The following ACTBL2 variants were observed in gnomAD, a reference collection of about 807,000 sequenced individuals.
The protein encoded by ACTBL2 is actin beta like 2, also known as beta-actin-like protein 2.
Under a neutral mutation model 23.2 loss-of-function variants are expected in ACTBL2, and 29 were observed. The observed-to-expected ratio is 1.25, with a 90% CI of 0.93 to 1.71. The LOEUF (loss-of-function observed/expected upper bound fraction) is 1.71, where lower values mean the gene tolerates loss of function less well. Among genes scored for constraint, ACTBL2 ranks in the 40% most tolerant of loss-of-function variants. The pLI is 0.00. For synonymous variants in ACTBL2, 173 were observed against 182.1 expected (o/e 0.95, Z 0.40); for missense variants, 524 against 486.2 (o/e 1.08, Z -0.73).
chr5:57,482,019 C>T lies in ACTBL2; in HGVS notation c.689G>A (p.Arg230Lys), dbSNP rs138344347. 1.2e-6 allele frequency: 2 copies of T among 1,613,812 alleles called. No homozygotes were observed. Among genetic ancestry groups the T allele is most frequent in the African/African-American group, 2.7e-5 (2 of 74,850 alleles). Residue 230 changes from arginine to lysine, a missense_variant, in exon 1 of 1, where the codon AGG becomes AAG. Transcript: ENST00000423391. ...VALDFEQEMV[R>K]AAASSSPERS... Reference sequence around the variant, plus strand: ...TTCCGGTGAGGAGGATGCGGCTGCCCTGACCATCTCCTGCTCAAAGTCCAG... The same window carrying T: ...TTCCGGTGAGGAGGATGCGGCTGCCTTGACCATCTCCTGCTCAAAGTCCAG...
Position 57,482,742 on chromosome 5 carries a change from G to A in ACTBL2, c.-35C>T. 6.2e-7 allele frequency: 1 copy of A among 1,604,234 alleles called. No homozygotes were observed. ...TGAGATCTTCCAGACGAGTGAACAG[G>A]ACAAGTGAATAGACAGTGAGTAAGA... On this transcript the variant is annotated 5_prime_UTR_variant, in exon 1 of 1. Transcript: ENST00000423391.
At position 57,481,523 on chromosome 5, in the gene ACTBL2, A is replaced by G; in HGVS notation, c.*54T>C. ...ACTGAAAGCGGATAAAAGCAGTACC[A>G]TCACTGTGACCTAGGAAAAGGGAAA... is the stretch of plus-strand genomic sequence containing the variant. On this transcript the variant is annotated 3_prime_UTR_variant, in exon 1 of 1. Coordinates refer to ENST00000423391, the MANE Select transcript of ACTBL2 (RefSeq NM_001017992.4). The G allele has an allele frequency of 1.3e-6, 2 of 1,565,700 alleles. No homozygotes were observed. Among genetic ancestry groups the G allele is most frequent in the East Asian group, 4.5e-5 (2 of 44,486 alleles).
At position 57,481,414 on chromosome 5, in the gene ACTBL2, T is replaced by C. The variant is rs1171771103; in HGVS notation, c.*163A>G. ...CTTGATGGAGAACCGGATGTGGTTA[T>C]CTGGGTAAGAGCCCAGGTTACTTGG... is the stretch of plus-strand genomic sequence containing the variant. On this transcript the variant is annotated 3_prime_UTR_variant, in exon 1 of 1. Transcript: ENST00000423391. The C allele has an allele frequency of 2.4e-5, 19 of 794,920 alleles. No individual in the cohort carries two copies. The highest frequency in any genetic ancestry group is 3.9e-6 in the Non-Finnish European group (2 of 511,370). The allele number at this position is 794,920 out of a possible 1,614,324, so 49.2% of individuals were successfully genotyped here.
In ACTBL2 at chr5:57,481,421, A is replaced by T. The variant is rs1318271047; in HGVS notation, c.*156T>A. On this transcript the variant is annotated 3_prime_UTR_variant, in exon 1 of 1. Transcript: ENST00000423391. Reference sequence around the variant, plus strand: ...GAGAACCGGATGTGGTTATCTGGGTAAGAGCCCAGGTTACTTGGATGGAGA... The same window carrying T: ...GAGAACCGGATGTGGTTATCTGGGTTAGAGCCCAGGTTACTTGGATGGAGA... 25 of 858,692 alleles carry T rather than the reference A, an allele frequency of 2.9e-5. No individual in the cohort carries two copies. The highest frequency in any genetic ancestry group is 3.5e-4 in the Middle Eastern group (1 of 2,824). The allele number at this position is 858,692 out of a possible 1,614,324, so 53.2% of individuals were successfully genotyped here.
Position 57,480,984 on chromosome 5 carries a change from T to G in ACTBL2, c.*593A>C, listed in dbSNP as rs11950494. 0.085 allele frequency: 12,897 copies of G among 152,248 alleles called. 612 individuals carry two copies. Among genetic ancestry groups the G allele is most frequent in the Middle Eastern group, 0.18 (52 of 294 alleles). The allele number at this position is 152,248 out of a possible 1,614,324, so 9.4% of individuals were successfully genotyped here. A position where few individuals can be genotyped will look rare whatever the true frequency, so the allele number is the denominator to read the frequency against. ...ATATGTACCTAGTACAACGATGACTTTTGGGAGTAAAGAAATTCACATTAG... is the reference window on the plus strand; with the variant it reads ...ATATGTACCTAGTACAACGATGACTGTTGGGAGTAAAGAAATTCACATTAG... On this transcript the variant is annotated 3_prime_UTR_variant, in exon 1 of 1. Transcript: ENST00000423391.
Position 57,480,854 on chromosome 5 carries a change from T to A in ACTBL2, c.*723A>T, listed in dbSNP as rs1745139915. 6.6e-6 allele frequency: 1 copy of A among 152,174 alleles called. No individual in the cohort carries two copies. The highest frequency in any genetic ancestry group is 1.5e-5 in the Non-Finnish European group (1 of 68,002). The allele number at this position is 152,174 out of a possible 1,614,324, so 9.4% of individuals were successfully genotyped here. ...AGTAAGAAAGATATTAAAATATAAT[T>A]TGACCAGCAGAACTCCACTATGAGC... On this transcript the variant is annotated 3_prime_UTR_variant, in exon 1 of 1. Coordinates refer to ENST00000423391, the MANE Select transcript of ACTBL2 (RefSeq NM_001017992.4).
Position 57,481,924 on chromosome 5 carries a change from T to TG in ACTBL2, c.783dup (p.Ile262HisfsTer10). ...ATGCCCAGAAAGGAAGGCTGGAAAA[T>TG]GGCTTCAGGGCATCGGAAGCGTTCA... On this transcript the variant is annotated frameshift_variant, in exon 1 of 1. Transcript: ENST00000423391. LOFTEE classifies it high-confidence loss of function. 1 of 1,614,038 alleles carries TG rather than the reference T, an allele frequency of 6.2e-7. No individual in the cohort carries two copies. The highest frequency in any genetic ancestry group is 8.5e-7 in the Non-Finnish European group (1 of 1,180,008).
chr5:57,482,415 G>A lies in ACTBL2; in HGVS notation c.293C>T (p.Ala98Val). 6.2e-7 allele frequency: 1 copy of A among 1,614,120 alleles called. No individual in the cohort carries two copies. Among genetic ancestry groups the A allele is most frequent in the Middle Eastern group, 1.6e-4 (1 of 6,062 alleles). The change falls in exon 1 of 1, where the codon GCA becomes GTA. Residue 98 changes from alanine (A) to valine (V), a missense_variant. Physicochemically the swap from Ala to Val is moderately conservative, Grantham distance 64 (BLOSUM62 0). Transcript: ENST00000423391. ...GAGGAGGATGGGATGCTCATCTGGTGCCACACGGAGCTCATTGTAGAATGT... is the reference window on the plus strand; with the variant it reads ...GAGGAGGATGGGATGCTCATCTGGTACCACACGGAGCTCATTGTAGAATGT... ...YHTFYNELRV[A>V]PDEHPILLTE... is the part of the protein sequence containing the mutation.
Position 57,482,550 on chromosome 5 carries a change from C to T in ACTBL2, c.158G>A (p.Cys53Tyr), listed in dbSNP as rs768638557. The change falls in exon 1 of 1, where the codon TGC (cysteine) becomes TAC (tyrosine). Residue 53 changes from cysteine (C) to tyrosine (Y), a missense_variant. Transcript: ENST00000423391. ...GCTCTGAGCCTCATCTCCCACGTAG[C>T]AGTCCTTCTGGCCCATGCCTACCAT... ...GVMVGMGQKD[C>Y]YVGDEAQSKR... is the part of the protein sequence containing the mutation. 59 of 1,613,976 alleles carry T rather than the reference C, an allele frequency of 3.7e-5. No individual in the cohort carries two copies. The highest frequency in any genetic ancestry group is 1.8e-4 in the Admixed American group (11 of 60,010).
At position 57,481,729 on chromosome 5, in the gene ACTBL2, T is replaced by C; in HGVS notation, c.979A>G (p.Lys327Glu). The change falls in exon 1 of 1, where the codon AAA becomes GAA. Residue 327 changes from lysine to glutamate, a missense_variant. Coordinates refer to ENST00000423391, the MANE Select transcript of ACTBL2 (RefSeq NM_001017992.4). ...EIITLAPSTM[K>E]IKIIAPPERK... Reference sequence around the variant, plus strand: ...TCTGGGGGAGCTATGATCTTGATTTTCATGGTGCTGGGTGCCAGGGTTATG... The same window carrying C: ...TCTGGGGGAGCTATGATCTTGATTTCCATGGTGCTGGGTGCCAGGGTTATG... 1.9e-6 allele frequency: 3 copies of C among 1,614,066 alleles called. No individual in the cohort carries two copies. Among genetic ancestry groups the C allele is most frequent in the Non-Finnish European group, 2.5e-6 (3 of 1,180,002 alleles).
chr5:57,481,522 CA>C lies in ACTBL2; in HGVS notation c.*54del. The stretch of plus-strand genomic sequence containing the variant: ...TACTGAAAGCGGATAAAAGCAGTAC[CA>C]TCACTGTGACCTAGGAAAAGGGAAA... On this transcript the variant is annotated 3_prime_UTR_variant, in exon 1 of 1. Coordinates refer to ENST00000423391, the MANE Select transcript of ACTBL2 (RefSeq NM_001017992.4). The C allele has an allele frequency of 6.4e-7, 1 of 1,562,632 alleles. No individual in the cohort carries two copies. Among genetic ancestry groups the C allele is most frequent in the Non-Finnish European group, 8.7e-7 (1 of 1,152,530 alleles).
chr5:57,481,999 G>A lies in ACTBL2; in HGVS notation c.709C>T (p.Pro237Ser), dbSNP rs1347090170. 24 of 1,614,022 alleles carry A rather than the reference G, an allele frequency of 1.5e-5. No homozygotes were observed. The highest frequency in any genetic ancestry group is 1.9e-5 in the Non-Finnish European group (22 of 1,180,056). Reference protein sequence around the residue: ...EMVRAAASSSPERSYELPDGQ... With the variant: ...EMVRAAASSSSERSYELPDGQ... ...TCAGGAAGTTCATAGCTCCGTTCCG[G>A]TGAGGAGGATGCGGCTGCCCTGACC... Residue 237 changes from proline to serine, a missense_variant, in exon 1 of 1, where the codon CCG becomes TCG. Physicochemically the swap from Pro to Ser is moderately conservative, Grantham distance 74. Coordinates refer to ENST00000423391, the MANE Select transcript of ACTBL2 (RefSeq NM_001017992.4).
Position 57,482,513 on chromosome 5 carries a change from G to T in ACTBL2, c.195C>A (p.Val65=). Residue 65 remains valine (V), a synonymous_variant, in exon 1 of 1, where the codon GTC becomes GTA. Coordinates refer to ENST00000423391, the MANE Select transcript of ACTBL2 (RefSeq NM_001017992.4). ...VGDEAQSKRG[V]LTLKYPIEHG... ...GCTCGATAGGATACTTCAGGGTCAG[G>T]ACGCCTCTCTTGCTCTGAGCCTCAT... 6.2e-7 allele frequency: 1 copy of T among 1,614,062 alleles called. No individual in the cohort carries two copies. The highest frequency in any genetic ancestry group is 8.5e-7 in the Non-Finnish European group (1 of 1,180,018).
At position 57,481,592 on chromosome 5, in the gene ACTBL2, G is replaced by A; in HGVS notation, c.1116C>T (p.His372=). ...GGAAGCCCATTCAGAAACATTTTCT[G>A]TGAACGATAGGAGGACCAGCCTCAT... ...EYDEAGPPIV[H]RKCF Residue 372 remains histidine, a synonymous_variant, in exon 1 of 1, where the codon CAC becomes CAT. Coordinates refer to ENST00000423391, the MANE Select transcript of ACTBL2 (RefSeq NM_001017992.4). 8 of 1,611,404 alleles carry A rather than the reference G, an allele frequency of 5.0e-6. No individual in the cohort carries two copies. The highest frequency in any genetic ancestry group is 6.8e-6 in the Non-Finnish European group (8 of 1,178,872).
rs777599486 is a variant in ACTBL2 at position 57,481,972 on chromosome 5, C to T, written c.736G>A (p.Gly246Arg). 4 of 1,614,136 alleles carry T rather than the reference C, an allele frequency of 2.5e-6. No individual in the cohort carries two copies. The highest frequency in any genetic ancestry group is 1.3e-5 in the African/African-American group (1 of 75,050). The change falls in exon 1 of 1, where the codon GGG (glycine) becomes AGG (arginine). Residue 246 changes from glycine to arginine, a missense_variant. Coordinates refer to ENST00000423391, the MANE Select transcript of ACTBL2 (RefSeq NM_001017992.4). ...SPERSYELPD[G>R]QVITIGNERF... is the part of the protein sequence containing the mutation. Reference sequence around the variant, plus strand: ...TCATTCCCAATGGTGATCACCTGCCCATCAGGAAGTTCATAGCTCCGTTCC... The same window carrying T: ...TCATTCCCAATGGTGATCACCTGCCTATCAGGAAGTTCATAGCTCCGTTCC...
rs756215581 is a variant in ACTBL2 at position 57,482,491 on chromosome 5, C to T, written c.217G>A (p.Glu73Lys). The T allele has an allele frequency of 1.2e-5, 20 of 1,613,936 alleles. No homozygotes were observed. Among genetic ancestry groups the T allele is most frequent in the Non-Finnish European group, 1.7e-5 (20 of 1,180,014 alleles). Reference protein sequence around the residue: ...RGVLTLKYPIEHGVVTNWDDM... With the variant: ...RGVLTLKYPIKHGVVTNWDDM... Reference sequence around the variant, plus strand: ...TCCCAGTTGGTGACCACTCCATGCTCGATAGGATACTTCAGGGTCAGGACG... The same window carrying T: ...TCCCAGTTGGTGACCACTCCATGCTTGATAGGATACTTCAGGGTCAGGACG... The change falls in exon 1 of 1, where the codon GAG (glutamate) becomes AAG (lysine). Residue 73 changes from glutamate to lysine, a missense_variant. Coordinates refer to ENST00000423391, the MANE Select transcript of ACTBL2 (RefSeq NM_001017992.4).
chr5:57,482,601 A>G lies in ACTBL2; in HGVS notation c.107T>C (p.Ile36Thr), dbSNP rs1054039950. ...DAPRAVFPSM[I>T]GRPRHQGVMV... ...AACGCCCTGGTGTCGAGGACGCCCT[A>G]TCATGGAGGGGAACACAGCCCGGGG... is the stretch of plus-strand genomic sequence containing the variant. Residue 36 changes from isoleucine to threonine, a missense_variant, in exon 1 of 1, where the codon ATA (isoleucine) becomes ACA (threonine). By Grantham distance (89) the Ile-to-Thr change is moderately conservative. Coordinates refer to ENST00000423391, the MANE Select transcript of ACTBL2 (RefSeq NM_001017992.4). The G allele has an allele frequency of 6.8e-6, 11 of 1,613,930 alleles. No homozygotes were observed. Among genetic ancestry groups the G allele is most frequent in the Middle Eastern group, 1.6e-4 (1 of 6,084 alleles).
Position 57,481,823 on chromosome 5 carries a change from A to G in ACTBL2, c.885T>C (p.Tyr295=). ...TCCCTCCAGATAACACGGTGTTGGC[A>G]TAGAGATCCTTGCGAATATCCACAT... The part of the protein sequence containing the change: ...KCDVDIRKDL[Y]ANTVLSGGST... Residue 295 remains tyrosine, a synonymous_variant, in exon 1 of 1, where the codon TAT becomes TAC. Transcript: ENST00000423391. The G allele has an allele frequency of 6.2e-7, 1 of 1,614,126 alleles. No homozygotes were observed. Among genetic ancestry groups the G allele is most frequent in the South Asian group, 1.1e-5 (1 of 91,038 alleles).
rs1561143271 is a variant in ACTBL2, at chr5:57,480,783, C to A, written c.*794G>T. ...TAATTTGATATTATAATATCTATCT[C>A]TCTTAAGAATTAGACATTGTCTGTA... is the stretch of plus-strand genomic sequence containing the variant. On this transcript the variant is annotated 3_prime_UTR_variant, in exon 1 of 1. Transcript: ENST00000423391. The A allele has an allele frequency of 6.6e-6, 1 of 152,076 alleles. No homozygotes were observed. Among genetic ancestry groups the A allele is most frequent in the East Asian group, 1.9e-4 (1 of 5,200 alleles). 9.4% of individuals were successfully genotyped at this position (152,076 alleles called of 1,614,324 possible). A position where few individuals can be genotyped will look rare whatever the true frequency, so the allele number is the denominator to read the frequency against.
Sources: gnomAD v4.1 joint callset for allele counts on GRCh38, gnomAD v4.1.1 for gene constraint, MANE v1.5 for transcripts, NCBI Gene and HGNC (gene_info 2026-07-23, HGNC 2026-07-21) for gene names.